SVEP1: variants seen among roughly 807,000 people sequenced by gnomAD.
SVEP1 encodes the protein sushi, von Willebrand factor type A, EGF and pentraxin domain-containing protein 1.
A neutral mutation model predicts 367.3 loss-of-function variants in SVEP1; 164 were observed. The observed-to-expected ratio is 0.45, with a 90% CI of 0.39 to 0.51. The LOEUF is 0.51. SVEP1 is among the 20% of genes least tolerant of loss of function. The pLI, the probability that SVEP1 is intolerant of heterozygous loss-of-function variation, is 0.00. For missense variants in SVEP1, 4,117 were observed against 4,425.3 expected (o/e 0.93, Z 1.98); for synonymous variants, 1,666 against 1,611.6 (o/e 1.03, Z -0.81).
In SVEP1 at chr9:110,400,998, G is replaced by A; in HGVS notation, c.9678C>T (p.Thr3226=). The change falls in exon 40 of 48, where the codon ACC becomes ACT. Residue 3226 remains threonine (T), a synonymous_variant. Coordinates refer to ENST00000374469, the MANE Select transcript of SVEP1 (RefSeq NM_153366.4). The stretch of plus-strand genomic sequence containing the variant: ...ATTCATCGGAGAATGGTGGCTCCCA[G>A]GTTCCATCAAGCTAAGTGACAAATA... ...VNISVCQLDG[T]WEPPFSDESC... 2 of 1,613,606 alleles carry A rather than the reference G, an allele frequency of 1.2e-6. No homozygotes were observed. The highest frequency in any genetic ancestry group is 1.7e-6 in the Non-Finnish European group (2 of 1,179,776).
chr9:110,571,305 T>C (rs1830559845), intron 1 of SVEP1, among the ~76,000 whole-genome samples: 2 of 152,150 alleles, frequency 1.3e-5, no homozygotes, highest in Admixed American at 1.3e-4. Flanking sequence ...TTTTCAGCAA[T>C]AAAGCTCCAT....
chr9:110,481,676 A>C (rs1829191538), intron 11 of SVEP1, among the ~76,000 whole-genome samples: 1 of 151,860 alleles, frequency 6.6e-6, no homozygotes, highest in Non-Finnish European at 1.5e-5. Context: ...TTTATAAAAA[A>C]GTTAAAGTAC....
intron 1 of SVEP1, among the ~76,000 whole-genome samples, chr9:110,561,887 A>G (rs565646215): frequency 4.9e-4 from 74 of 152,352 alleles, no homozygotes; most frequent in Non-Finnish European, 8.1e-4. Flanking sequence ...CTAGAAAGAA[A>G]GAAAAAGGTT....
intron 43 of SVEP1, among the ~76,000 whole-genome samples, chr9:110,381,385 A>G (rs951323627): frequency 3.3e-5 from 5 of 152,094 alleles, no homozygotes; most frequent in Non-Finnish European, 5.9e-5. Flanking sequence ...ACTGTGTCCC[A>G]GAGATTCTGG....
chr9:110,482,028 C>T (rs543886763), intron 11 of SVEP1, among the ~76,000 whole-genome samples: 18 of 152,194 alleles, frequency 1.2e-4, no homozygotes, highest in African/African-American at 4.1e-4. Context: ...TTTTGACATT[C>T]CTTTAATAAA....
chr9:110,436,397 C>T lies in SVEP1; in HGVS notation c.4747G>A (p.Val1583Ile). Reference sequence around the variant, plus strand: ...GAATTGACCTGCTGTGGAGACAGGACATAGTCCCAGAGGTTGAGCTGGCTT... The same window carrying T: ...GAATTGACCTGCTGTGGAGACAGGATATAGTCCCAGAGGTTGAGCTGGCTT... ...SISQLNLWDY[V>I]LSPQQVKSLA... is the part of the protein sequence containing the mutation. The change falls in exon 28 of 48, where the codon GTC becomes ATC. Residue 1583 changes from valine (V) to isoleucine (I), a missense_variant. By Grantham distance (29) the Val-to-Ile change is conservative. Transcript: ENST00000374469. The T allele has an allele frequency of 1.2e-6, 2 of 1,613,966 alleles. No homozygotes were observed. The highest frequency in any genetic ancestry group is 1.7e-6 in the Non-Finnish European group (2 of 1,179,860).
chr9:110,499,034 G>C lies in SVEP1; in HGVS notation c.1681+7C>G. ...TGATTTTTAGCCTGACTAGTGTAGA[G>C]ACCTACCTTTACACACAGCTGCCTG... On this transcript the variant is annotated splice_region_variant and intron_variant, in intron 7 of 47. Transcript: ENST00000374469. 2 of 1,611,848 alleles carry C rather than the reference G, an allele frequency of 1.2e-6. No homozygotes were observed. The highest frequency in any genetic ancestry group is 1.7e-6 in the Non-Finnish European group (2 of 1,178,738).
In SVEP1 at chr9:110,426,913, C is replaced by T. The variant is rs750543363; in HGVS notation, c.5975+678G>A. 5.2e-4 allele frequency among the ~76,000 whole-genome samples: 79 copies of T among 152,198 alleles called. 1 individual carries two copies. The highest frequency in any genetic ancestry group is 9.6e-4 in the Non-Finnish European group (65 of 67,994). On this transcript the variant is annotated intron_variant, in intron 36 of 47. Coordinates refer to ENST00000374469, the MANE Select transcript of SVEP1 (RefSeq NM_153366.4). ...TGAACTTTATTATCTTTTTTCCTCCCTGTAGATATGTCATCTTTATGTTAT... is the reference window on the plus strand; with the variant it reads ...TGAACTTTATTATCTTTTTTCCTCCTTGTAGATATGTCATCTTTATGTTAT...
intron 5 of SVEP1, among the ~76,000 whole-genome samples, chr9:110,510,542 G>T (rs1829692794): frequency 6.6e-6 from 1 of 152,208 alleles, no homozygotes; most frequent in Admixed American, 6.5e-5. Flanking sequence ...AGGACCCAGA[G>T]CAAAGGCAGA....
chr9:110,377,013 A>G (rs1827359508), intron 45 of SVEP1: 2 of 341,892 alleles, frequency 5.8e-6, no homozygotes, highest in East Asian at 9.2e-5. Flanking sequence ...GCTCCTTCTC[A>G]AGAAGACTTT....
At chr9:110,416,563 A>G (rs994368371) in intron 36 of SVEP1, among the ~76,000 whole-genome samples, 2 of 152,188 alleles carry the variant, frequency 1.3e-5, no homozygotes, top group East Asian at 3.9e-4. Context: ...CCATAAAGAT[A>G]TAAAAGAGAA....
chr9:110,392,600 A>C (rs1827681782), intron 40 of SVEP1, among the ~76,000 whole-genome samples: 1 of 152,114 alleles, frequency 6.6e-6, no homozygotes. Context: ...TTTTATCACT[A>C]TTAACTGTAA....
In SVEP1 at chr9:110,369,957, A is replaced by G; in HGVS notation, c.10660T>C (p.Cys3554Arg). The G allele has an allele frequency of 6.2e-7, 1 of 1,613,408 alleles. No individual in the cohort carries two copies. The highest frequency in any genetic ancestry group is 8.5e-7 in the Non-Finnish European group (1 of 1,179,574). ...GKCVRPNRCHCLSSWTGHNCS... is the reference protein window; with the variant it reads ...GKCVRPNRCHRLSSWTGHNCS... ...TTATGTCCCGTCCAAGAAGAAAGACAGTGACATCGGTTTGGTCTTACACAT... is the reference window on the plus strand; with the variant it reads ...TTATGTCCCGTCCAAGAAGAAAGACGGTGACATCGGTTTGGTCTTACACAT... The change falls in exon 47 of 48, where the codon TGT (cysteine) becomes CGT (arginine). Residue 3554 changes from cysteine to arginine, a missense_variant. Physicochemically the swap from Cys to Arg is radical, Grantham distance 180. Transcript: ENST00000374469.
intron 22 of SVEP1, among the ~76,000 whole-genome samples, chr9:110,454,192 G>A (rs1472324345): frequency 2.0e-5 from 3 of 152,152 alleles, no homozygotes; most frequent in Non-Finnish European, 1.5e-5. Flanking sequence ...TTCTTTTGCA[G>A]TGCAGAAGCT....
intron 8 of SVEP1, among the ~76,000 whole-genome samples, chr9:110,494,423 T>C (rs1027324990): frequency 6.6e-6 from 1 of 152,142 alleles, no homozygotes; most frequent in South Asian, 2.1e-4. Context: ...TTGAAAGTGG[T>C]TTTTAATTAT....
chr9:110,565,764 A>G (rs900237486), intron 1 of SVEP1, among the ~76,000 whole-genome samples: 3 of 151,948 alleles, frequency 2.0e-5, no homozygotes, highest in Admixed American at 6.6e-5. Flanking sequence ...GACATACCCA[A>G]GTCCCTTTCA....
intron 8 of SVEP1, among the ~76,000 whole-genome samples, chr9:110,495,846 A>C (rs1470947429): frequency 6.6e-6 from 1 of 152,190 alleles, no homozygotes; most frequent in Non-Finnish European, 1.5e-5. Context: ...GATTCAGACA[A>C]GCTTGAAGAA....
chr9:110,477,967 C>G (rs1829123285), intron 13 of SVEP1, among the ~76,000 whole-genome samples: 1 of 152,176 alleles, frequency 6.6e-6, no homozygotes. Flanking sequence ...TTTCAAGGCT[C>G]TCCACAGTCT....
At position 110,400,868 on chromosome 9, in the gene SVEP1, C is replaced by T. The variant is rs1345531004; in HGVS notation, c.9808G>A (p.Gly3270Ser). The change falls in exon 40 of 48, where the codon GGC becomes AGC. Residue 3270 changes from glycine (G) to serine (S), a missense_variant. Gly to Ser is a moderately conservative substitution (Grantham distance 56). Coordinates refer to ENST00000374469, the MANE Select transcript of SVEP1 (RefSeq NM_153366.4). Reference protein sequence around the residue: ...ESTIIYQCEPGYELEGNRERV... With the variant: ...ESTIIYQCEPSYELEGNRERV... ...TGTTCGCTTACCTCTAGTTCATAGC[C>T]AGGCTCACACTGATAAATAATTGTG... 6.2e-7 allele frequency: 1 copy of T among 1,611,886 alleles called. No individual in the cohort carries two copies. Among genetic ancestry groups the T allele is most frequent in the East Asian group, 2.2e-5 (1 of 44,832 alleles).
Sources: allele counts gnomAD v4.1 joint callset (sites outside exome capture counted in the v4.1 genomes callset), GRCh38; gene constraint gnomAD v4.1.1; transcripts MANE v1.5; gene names NCBI Gene and HGNC (gene_info 2026-07-23, HGNC 2026-07-21).